The following CXADR variants were observed in gnomAD, a reference collection of about 807,000 sequenced individuals.
The protein encoded by CXADR is CXADR cell adhesion molecule.
In CXADR, 20 loss-of-function variants were observed where a neutral mutation model predicts 40.3. The ratio of observed to expected loss-of-function variants is 0.50; its 90% CI spans 0.35 to 0.72. The LOEUF (loss-of-function observed/expected upper bound fraction) is 0.72, where lower values mean the gene tolerates loss of function less well. Among genes scored for constraint, CXADR ranks in the 30% least tolerant of loss-of-function variants. The probability of loss-of-function intolerance (pLI) is 0.01; values close to 1 mark genes in which losing one functional copy is unlikely to be tolerated. For synonymous variants in CXADR, 150 were observed against 161.3 expected (o/e 0.93, Z 0.53); for missense variants, 332 against 449.1 (o/e 0.74, Z 2.36).
downstream of CXADR, among the ~76,000 whole-genome samples, chr21:17,594,556 C>G (rs984341924): frequency 6.6e-6 from 1 of 151,978 alleles, no homozygotes; most frequent in African/African-American, 2.4e-5. Flanking sequence ...TGAATAAACT[C>G]AAACACAGTA....
At chr21:17,540,498 C>T (rs755482216) in intron 1 of CXADR, among the ~76,000 whole-genome samples, 1 of 152,146 alleles carries the variant, frequency 6.6e-6, no homozygotes, top group Non-Finnish European at 1.5e-5. Flanking sequence ...CAGCATTACT[C>T]CCCAGAAGCC....
Position 17,566,413 on chromosome 21 carries a change from G to T in CXADR, c.*721G>T. 1 of 985,386 alleles carries T rather than the reference G, an allele frequency of 1.0e-6. No individual in the cohort carries two copies. Among genetic ancestry groups the T allele is most frequent in the Non-Finnish European group, 1.2e-6 (1 of 829,926 alleles). 61.0% of individuals were successfully genotyped at this position (985,386 alleles called of 1,614,324 possible). A position where few individuals can be genotyped will look rare whatever the true frequency, so the allele number is the denominator to read the frequency against. ...GATTAAGTTAGAACATTTGCTGTCAGCCACATATTGAGATGACACTAGGTG... is the reference window on the plus strand; with the variant it reads ...GATTAAGTTAGAACATTTGCTGTCATCCACATATTGAGATGACACTAGGTG... On this transcript the variant is annotated 3_prime_UTR_variant, in exon 7 of 7. Transcript: ENST00000284878.
At chr21:17,560,240 G>A (rs2061097558) in intron 4 of CXADR, among the ~76,000 whole-genome samples, 1 of 152,174 alleles carries the variant, frequency 6.6e-6, no homozygotes, top group African/African-American at 2.4e-5. Context: ...CTGGTCTTTA[G>A]TAGGTTTTCT....
chr21:17,626,165 G>A, the CXADR span, among the ~76,000 whole-genome samples: 1 of 151,816 alleles, frequency 6.6e-6, no homozygotes, highest in African/African-American at 2.4e-5. Flanking sequence ...TTTCATATAC[G>A]GACAGACTAT....
chr21:17,634,225 C>G, the CXADR span, among the ~76,000 whole-genome samples: 1 of 152,144 alleles, frequency 6.6e-6, no homozygotes, highest in Non-Finnish European at 1.5e-5. Flanking sequence ...CTCTTAAATT[C>G]TACGTAAATA....
At chr21:17,530,386 G>A (rs745477147) in intron 1 of CXADR, 2 of 455,080 alleles carry the variant, frequency 4.4e-6, no homozygotes, top group Non-Finnish European at 8.8e-6. Context: ...ATGTTGGTAA[G>A]ATTATTCATG....
exon 8 of CXADR, chr21:17,593,191 T>A: frequency 2.7e-6 from 4 of 1,460,266 alleles, no homozygotes; most frequent in Non-Finnish European, 3.6e-6. Context: ...TACAGTTGTA[T>A]AAATATGGAC....
At chr21:17,548,982 C>A (rs879337440) in intron 2 of CXADR, among the ~76,000 whole-genome samples, 6 of 152,096 alleles carry the variant, frequency 3.9e-5, no homozygotes, top group African/African-American at 9.7e-5. Context: ...GTTAACAGAG[C>A]CCCTATTTTA....
At chr21:17,600,899 C>T in the CXADR span, among the ~76,000 whole-genome samples, 14 of 152,140 alleles carry the variant, frequency 9.2e-5, no homozygotes, top group Admixed American at 6.5e-4. Context: ...CGCGGTGGCT[C>T]ATGCCTGTAA....
the CXADR span, among the ~76,000 whole-genome samples, chr21:17,599,425 C>T: frequency 1.3e-5 from 2 of 151,588 alleles, no homozygotes; most frequent in African/African-American, 4.9e-5. Flanking sequence ...AGAGATCCAC[C>T]CACTTCAGCT....
Position 17,565,946 on chromosome 21 carries a change from C to G in CXADR, c.*254C>G. ...TTTAAGAGGTTGATTATAAAGTTTT[C>G]TAAATTTATCAGTACCTAAGTAAGA... On this transcript the variant is annotated 3_prime_UTR_variant, in exon 7 of 7. Coordinates refer to ENST00000284878, the MANE Select transcript of CXADR (RefSeq NM_001338.5). The G allele has an allele frequency of 8.8e-7, 1 of 1,133,456 alleles. No homozygotes were observed. The highest frequency in any genetic ancestry group is 1.1e-6 in the Non-Finnish European group (1 of 923,012). The allele number at this position is 1,133,456 out of a possible 1,614,324, so 70.2% of individuals were successfully genotyped here.
chr21:17,613,502 C>G, the CXADR span: 2 of 152,336 alleles, frequency 1.3e-5, no homozygotes, highest in Non-Finnish European at 2.9e-5. Context: ...CTAGTTGGGC[C>G]CTTCCCTGGC....
At chr21:17,592,034 T>C (rs1023060759) in intron 7 of CXADR, among the ~76,000 whole-genome samples, 4 of 151,786 alleles carry the variant, frequency 2.6e-5, no homozygotes, top group African/African-American at 9.7e-5. Context: ...GAATCTTCTA[T>C]GAGTAATAAC....
At chr21:17,571,811 C>T (rs2061279543), downstream of CXADR, among the ~76,000 whole-genome samples, 1 of 152,128 alleles carries the variant, frequency 6.6e-6, no homozygotes, top group African/African-American at 2.4e-5. Flanking sequence ...CTTCTGTGCC[C>T]TCCTCAGTGT....
chr21:17,593,355 T>C, exon 8 of CXADR: 1 of 615,684 alleles, frequency 1.6e-6, no homozygotes, highest in Non-Finnish European at 2.4e-6. Flanking sequence ...GTAAGTCAGA[T>C]GTCATGTCAA....
At chr21:17,593,772 C>A (rs1221883038), downstream of CXADR, 1 of 224,284 alleles carries the variant, frequency 4.5e-6, no homozygotes, top group Non-Finnish European at 8.6e-6. Flanking sequence ...AAAGTAAATT[C>A]TCAAAGGTGC....
the CXADR span, among the ~76,000 whole-genome samples, chr21:17,602,986 C>T: frequency 6.6e-6 from 1 of 151,980 alleles, no homozygotes; most frequent in Non-Finnish European, 1.5e-5. Context: ...GATTTTTTAG[C>T]TTTTTCATTT....
At chr21:17,575,788 T>TA (rs201092292) in intron 7 of CXADR, among the ~76,000 whole-genome samples, 5,128 of 147,984 alleles carry the variant, frequency 0.035, 259 homozygotes, top group East Asian at 0.2. Context: ...TTTTTAAAGT[T>TA]AAAAAAAAAT....
intron 3 of CXADR, among the ~76,000 whole-genome samples, chr21:17,557,581 G>A (rs181336398): frequency 1.3e-5 from 2 of 152,266 alleles, no homozygotes; most frequent in African/African-American, 4.8e-5. Flanking sequence ...GCCCCAAACT[G>A]GAAACACAGT....
Sources: gnomAD v4.1 joint callset for allele counts (sites outside exome capture counted in the v4.1 genomes callset) on GRCh38, gnomAD v4.1.1 for gene constraint, MANE v1.5 for transcripts, NCBI Gene and HGNC (gene_info 2026-07-23, HGNC 2026-07-21) for gene names.